Variants in FBXL7 observed in about 807,000 individuals in gnomAD.
FBXL7 encodes the protein F-box/LRR-repeat protein 7.
A neutral mutation model predicts 38.3 loss-of-function variants in FBXL7; 12 were observed. The observed-to-expected ratio is 0.31, with a 90% CI of 0.20 to 0.51. The LOEUF (loss-of-function observed/expected upper bound fraction) is 0.51. FBXL7 is among the 20% of genes least tolerant of loss of function. FBXL7 has a pLI of 0.98. For missense variants in FBXL7, 567 were observed against 676.4 expected (o/e 0.84, Z 1.79); for synonymous variants, 297 against 300.9 (o/e 0.99, Z 0.13).
chr5:15,781,343 A>T (rs551345857), intron 2 of FBXL7, among the ~76,000 whole-genome samples: 1 of 152,126 alleles, frequency 6.6e-6, no homozygotes, highest in Non-Finnish European at 1.5e-5. Flanking sequence ...TAAGACTTGC[A>T]TGCCATTGGA....
intron 2 of FBXL7, among the ~76,000 whole-genome samples, chr5:15,746,979 T>C (rs1375964811): frequency 6.6e-6 from 1 of 152,180 alleles, no homozygotes; most frequent in African/African-American, 2.4e-5. Flanking sequence ...CCTGTACTTA[T>C]CTTGCTATGG....
At chr5:15,611,841 G>A (rs1740248589) in intron 1 of FBXL7, among the ~76,000 whole-genome samples, 1 of 151,618 alleles carries the variant, frequency 6.6e-6, no homozygotes, top group Admixed American at 6.6e-5. Context: ...AAAAATGCTG[G>A]GTATGGTGGT....
intron 1 of FBXL7, among the ~76,000 whole-genome samples, chr5:15,540,423 G>A (rs931380174): frequency 2.0e-5 from 3 of 152,072 alleles, no homozygotes; most frequent in Admixed American, 6.6e-5. Flanking sequence ...ATATCTCAAG[G>A]TGCGAACTCC....
At chr5:15,864,292 T>G (rs1244081464) in intron 2 of FBXL7, among the ~76,000 whole-genome samples, 1 of 152,092 alleles carries the variant, frequency 6.6e-6, no homozygotes, top group Non-Finnish European at 1.5e-5. Flanking sequence ...GCAACCCAAA[T>G]GGACTAAGAC....
intron 1 of FBXL7, 73 bp from the exon 2 acceptor site, chr5:15,615,909 TG>T: frequency 1.1e-6 from 1 of 923,820 alleles, no homozygotes. Flanking sequence ...TGGCTTGCTG[TG>T]GGACCGAGTG....
At chr5:15,538,440 A>T (rs1483669552) in intron 1 of FBXL7, among the ~76,000 whole-genome samples, 4 of 152,212 alleles carry the variant, frequency 2.6e-5, no homozygotes, top group Non-Finnish European at 5.9e-5. Context: ...TATTATCTTC[A>T]GGGGGTGAAC....
At chr5:15,763,406 A>G (rs1056608906) in intron 2 of FBXL7, among the ~76,000 whole-genome samples, 26 of 152,306 alleles carry the variant, frequency 1.7e-4, no homozygotes, top group African/African-American at 5.8e-4. Flanking sequence ...AATTTTTGAA[A>G]CGTAAGAAGA....
chr5:15,632,095 A>G (rs979735409), intron 2 of FBXL7, among the ~76,000 whole-genome samples: 1 of 152,196 alleles, frequency 6.6e-6, no homozygotes, highest in Non-Finnish European at 1.5e-5. Context: ...TTTCCATTGC[A>G]CAAAGCTAAA....
Position 15,640,979 on chromosome 5 carries a change from C to G in FBXL7, c.127+24907C>G, listed in dbSNP as rs77269925. Among the ~76,000 whole-genome samples the G allele has an allele frequency of 8.7e-3, 1,320 of 152,288 alleles. 16 individuals are homozygous for G. The highest frequency in any genetic ancestry group is 0.03 in the African/African-American group (1,254 of 41,560). On this transcript the variant is annotated intron_variant, in intron 2 of 3. Transcript: ENST00000504595. ...AGCTTAAGGACATGCTGCAGCATCT[C>G]ACATACTAGAGCTGGGTCAGCCCAG... is the stretch of plus-strand genomic sequence containing the variant.
At chr5:15,858,955 A>G (rs1001965664) in intron 2 of FBXL7, among the ~76,000 whole-genome samples, 1 of 152,224 alleles carries the variant, frequency 6.6e-6, no homozygotes, top group Non-Finnish European at 1.5e-5. Flanking sequence ...CTTAACCAGT[A>G]TTTTTATATC....
At chr5:15,534,038 G>A (rs1392541009) in intron 1 of FBXL7, among the ~76,000 whole-genome samples, 1 of 151,984 alleles carries the variant, frequency 6.6e-6, no homozygotes, top group African/African-American at 2.4e-5. Context: ...AGCAGTTTTA[G>A]GTTAACAGCA....
intron 2 of FBXL7, among the ~76,000 whole-genome samples, chr5:15,809,402 T>C (rs1302314896): frequency 6.6e-6 from 1 of 152,160 alleles, no homozygotes; most frequent in African/African-American, 2.4e-5. Context: ...TTTCCCTCCC[T>C]AAAATATATT....
At position 15,804,251 on chromosome 5, in the gene FBXL7, T is replaced by C. The variant is rs150049292; in HGVS notation, c.128-123639T>C. ...GGGAGGCCCAAGAGGGAGGTTCTCT[T>C]GAGGCCAGGAGTTTGAGACCAGCCT... On this transcript the variant is annotated intron_variant, in intron 2 of 3. Coordinates refer to ENST00000504595, the MANE Select transcript of FBXL7 (RefSeq NM_012304.5). Among the ~76,000 whole-genome samples the C allele has an allele frequency of 6.9e-3, 1,045 of 152,198 alleles. 16 individuals carry two copies. Among genetic ancestry groups the C allele is most frequent in the African/African-American group, 0.024 (1,011 of 41,526 alleles).
At chr5:15,686,089 A>G (rs928338539) in intron 2 of FBXL7, among the ~76,000 whole-genome samples, 2 of 152,256 alleles carry the variant, frequency 1.3e-5, no homozygotes, top group African/African-American at 4.8e-5. Context: ...TTCAGGGTCT[A>G]TGCACTTGAT....
chr5:15,831,908 C>G (rs1490954980), intron 2 of FBXL7, among the ~76,000 whole-genome samples: 1 of 152,062 alleles, frequency 6.6e-6, no homozygotes, highest in African/African-American at 2.4e-5. Context: ...TGCCCATGGC[C>G]CTTGCTCTGT....
intron 2 of FBXL7, among the ~76,000 whole-genome samples, chr5:15,749,442 C>T (rs866146376): frequency 1.3e-5 from 2 of 151,756 alleles, no homozygotes; most frequent in Non-Finnish European, 2.9e-5. Context: ...CTGGCTAACA[C>T]GGTGAAACCC....
intron 2 of FBXL7, among the ~76,000 whole-genome samples, chr5:15,728,815 TTGAAA>T (rs1735492020): frequency 6.6e-6 from 1 of 152,162 alleles, no homozygotes; most frequent in African/African-American, 2.4e-5. Context: ...GGTAAGTCAA[TTGAAA>T]TGAAATGGTT....
intron 2 of FBXL7, among the ~76,000 whole-genome samples, chr5:15,916,624 A>G (rs1180792294): frequency 6.6e-6 from 1 of 152,224 alleles, no homozygotes; most frequent in Non-Finnish European, 1.5e-5. Flanking sequence ...AATTTCAAGG[A>G]GAATGCAGTC....
At chr5:15,763,647 T>A (rs1310705826) in intron 2 of FBXL7, among the ~76,000 whole-genome samples, 1 of 152,222 alleles carries the variant, frequency 6.6e-6, no homozygotes, top group African/African-American at 2.4e-5. Flanking sequence ...TTATTTTTTA[T>A]CTTGGTTTTA....
Sources: allele counts gnomAD v4.1 joint callset (sites outside exome capture counted in the v4.1 genomes callset), GRCh38; gene constraint gnomAD v4.1.1; transcripts MANE v1.5; gene names NCBI Gene and HGNC (gene_info 2026-07-23, HGNC 2026-07-21).